The following UNC5C variants were observed in gnomAD, a reference collection of about 807,000 sequenced individuals.
The protein encoded by UNC5C is unc-5 netrin receptor C.
In UNC5C, 47 loss-of-function variants were observed where a neutral mutation model predicts 99.8. The observed-to-expected ratio is 0.47, with a 90% confidence interval of 0.37 to 0.60. The LOEUF is 0.60. UNC5C is among the 20% of genes least tolerant of loss of function. UNC5C has a pLI of 0.00. For missense variants in UNC5C, 1,062 were observed against 1,165.9 expected (o/e 0.91, Z 1.30); for synonymous variants, 487 against 452.2 (o/e 1.08, Z -0.98).
chr4:95,281,556 T>C (rs1579293129), intron 3 of UNC5C, among the ~76,000 whole-genome samples: 3 of 152,054 alleles, frequency 2.0e-5, no homozygotes, highest in Admixed American at 2.0e-4. Flanking sequence ...CAGCTAGTGA[T>C]AGAGGACAGG....
chr4:95,298,317 TCAAA>T (rs1011365205), intron 3 of UNC5C, among the ~76,000 whole-genome samples: 2 of 152,078 alleles, frequency 1.3e-5, no homozygotes, highest in African/African-American at 2.4e-5. Flanking sequence ...ATCTCAAAAA[TCAAA>T]CAAACAAACA....
chr4:95,301,571 C>G, intron 3 of UNC5C, 35 bp downstream of exon 3: 2 of 1,612,768 alleles, frequency 1.2e-6, no homozygotes, highest in Non-Finnish European at 1.7e-6. Flanking sequence ...GTATCAACTT[C>G]TGAGACCCAA....
chr4:95,497,304 G>A (rs1458986842), intron 1 of UNC5C, among the ~76,000 whole-genome samples: 1 of 151,936 alleles, frequency 6.6e-6, no homozygotes. Flanking sequence ...GTGTAAAAGT[G>A]TCTGCTTTTA....
chr4:95,374,961 A>T (rs1019709945), intron 1 of UNC5C, among the ~76,000 whole-genome samples: 2 of 152,246 alleles, frequency 1.3e-5, no homozygotes, highest in African/African-American at 4.8e-5. Flanking sequence ...TGAATATTTA[A>T]ATCAGCACTT....
chr4:95,186,396 A>G (rs982069993), intron 12 of UNC5C, among the ~76,000 whole-genome samples: 6 of 152,218 alleles, frequency 3.9e-5, no homozygotes, highest in Admixed American at 2.6e-4. Context: ...GATTTCAGGC[A>G]TGGGAACCAG....
At chr4:95,508,927 G>C (rs1721995922) in intron 1 of UNC5C, among the ~76,000 whole-genome samples, 1 of 151,776 alleles carries the variant, frequency 6.6e-6, no homozygotes, top group African/African-American at 2.4e-5. Flanking sequence ...CTAGATTCAG[G>C]AAGAGAACTG....
chr4:95,324,536 A>G (rs2149414736), intron 2 of UNC5C, among the ~76,000 whole-genome samples: 1 of 152,324 alleles, frequency 6.6e-6, no homozygotes, highest in Non-Finnish European at 1.5e-5. Context: ...GTTTTCCATG[A>G]AAACGGTCCC....
intron 1 of UNC5C, among the ~76,000 whole-genome samples, chr4:95,425,737 G>A (rs1746463551): frequency 6.6e-6 from 1 of 152,150 alleles, no homozygotes; most frequent in African/African-American, 2.4e-5. Flanking sequence ...GATTAAAAAT[G>A]ATTTCTTAGT....
chr4:95,320,158 C>T (rs911031105), intron 2 of UNC5C, among the ~76,000 whole-genome samples: 5 of 152,070 alleles, frequency 3.3e-5, no homozygotes, highest in South Asian at 2.1e-4. Context: ...AGATGGCTCT[C>T]GCCTGTGTAT....
intron 13 of UNC5C, among the ~76,000 whole-genome samples, chr4:95,183,972 T>C (rs1022910138): frequency 6.6e-6 from 1 of 152,236 alleles, no homozygotes; most frequent in Admixed American, 6.5e-5. Context: ...GGCTTAGCTT[T>C]AACTAATATC....
chr4:95,220,379 C>T lies in UNC5C; in HGVS notation c.1109-203G>A, dbSNP rs115947668. 5.9e-3 allele frequency among the ~76,000 whole-genome samples: 891 copies of T among 152,218 alleles called. 11 individuals are homozygous for T. The highest frequency in any genetic ancestry group is 0.02 in the African/African-American group (847 of 41,526). On this transcript the variant is annotated intron_variant, in intron 7 of 15. Coordinates refer to ENST00000453304, the MANE Select transcript of UNC5C (RefSeq NM_003728.4). Reference sequence around the variant, plus strand: ...TTTTCCTTTCTCACTCTGCATCTATCCACCCACTAATCTATCTTATAATTG... The same window carrying T: ...TTTTCCTTTCTCACTCTGCATCTATTCACCCACTAATCTATCTTATAATTG...
chr4:95,261,087 GC>G (rs1249926133), intron 4 of UNC5C, among the ~76,000 whole-genome samples: 1 of 152,144 alleles, frequency 6.6e-6, no homozygotes. Context: ...ACCAGGAGGA[GC>G]CAACTACAGT....
At chr4:95,389,539 A>AC (rs1745298824) in intron 1 of UNC5C, among the ~76,000 whole-genome samples, 1 of 152,144 alleles carries the variant, frequency 6.6e-6, no homozygotes, top group Non-Finnish European at 1.5e-5. Flanking sequence ...TGGCTGATAT[A>AC]ACTTATTAAC....
At position 95,166,101 on chromosome 4, in the gene UNC5C, A is replaced by T. The variant is rs1735846874; in HGVS notation, c.*3133T>A. On this transcript the variant is annotated 3_prime_UTR_variant, in exon 16 of 16. Transcript: ENST00000453304. ...CTAGTGAATATTAAACTCAGGTTAG[A>T]TTGTGTTGTACACCACTAGATGGCA... 1 of 152,206 alleles carries T rather than the reference A, an allele frequency of 6.6e-6. No individual in the cohort carries two copies. Among genetic ancestry groups the T allele is most frequent in the South Asian group, 2.1e-4 (1 of 4,832 alleles). The allele number at this position is 152,206 out of a possible 1,614,324, so 9.4% of individuals were successfully genotyped here. A position where few individuals can be genotyped will look rare whatever the true frequency, so the allele number is the denominator to read the frequency against.
chr4:95,535,056 G>A (rs1166331775), intron 1 of UNC5C, among the ~76,000 whole-genome samples: 3 of 152,024 alleles, frequency 2.0e-5, no homozygotes, highest in Non-Finnish European at 4.4e-5. Context: ...GTGGAGAAAA[G>A]CACAAACTTA....
At chr4:95,516,458 T>G (rs759935488) in intron 1 of UNC5C, among the ~76,000 whole-genome samples, 21 of 152,188 alleles carry the variant, frequency 1.4e-4, no homozygotes, top group Non-Finnish European at 3.1e-4. Flanking sequence ...TCTCCAATTT[T>G]TGTGAAACTG....
chr4:95,371,635 C>G (rs1455321078), intron 1 of UNC5C, among the ~76,000 whole-genome samples: 1 of 152,030 alleles, frequency 6.6e-6, no homozygotes, highest in Non-Finnish European at 1.5e-5. Flanking sequence ...ATAACTGAAT[C>G]GCCAGCTTCA....
chr4:95,258,746 C>CTTTTTTTCTTTT (rs1740103368), intron 4 of UNC5C, among the ~76,000 whole-genome samples: 1 of 76,044 alleles, frequency 1.3e-5, no homozygotes, highest in African/African-American at 4.3e-5. Flanking sequence ...CCATCTTATT[C>CTTTTTTTCTTTT]TTTTTTTTTT....
chr4:95,323,586 G>C (rs965903962), intron 2 of UNC5C, among the ~76,000 whole-genome samples: 1 of 152,176 alleles, frequency 6.6e-6, no homozygotes, highest in African/African-American at 2.4e-5. Flanking sequence ...GTAAAGAAAA[G>C]AGTAGGCATC....
Sources: gnomAD v4.1 joint callset for allele counts (sites outside exome capture counted in the v4.1 genomes callset) on GRCh38, gnomAD v4.1.1 for gene constraint, MANE v1.5 for transcripts, NCBI Gene and HGNC (gene_info 2026-07-23, HGNC 2026-07-21) for gene names.